Variants in GPATCH8 observed in about 807,000 individuals in gnomAD.
GPATCH8 encodes the protein G patch domain-containing protein 8.
GPATCH8 carries 18 observed loss-of-function variants against 118.3 expected under a neutral mutation model. The observed-to-expected ratio is 0.15, with a 90% CI of 0.11 to 0.23. GPATCH8 has a LOEUF of 0.23. Among genes scored for constraint, GPATCH8 ranks in the 10% least tolerant of loss-of-function variants. The pLI is 1.00. For missense variants in GPATCH8, 1,631 were observed against 1,873.8 expected, an observed-to-expected ratio of 0.87 and a Z score of 2.39; for synonymous variants, 659 against 684.7, an observed-to-expected ratio of 0.96 and a Z score of 0.59.
chr17:44,493,981 T>C (rs974910742), intron 1 of GPATCH8, among the ~76,000 whole-genome samples: 3 of 152,224 alleles, frequency 2.0e-5, no homozygotes, highest in Admixed American at 6.5e-5. Context: ...TGTAACATCC[T>C]GGTGCCTCAG....
In GPATCH8 at chr17:44,400,329, T is replaced by G. The variant is rs748757718; in HGVS notation, c.1748A>C (p.Asp583Ala). The G allele has an allele frequency of 6.2e-7, 1 of 1,614,206 alleles. No individual in the cohort carries two copies. The highest frequency in any genetic ancestry group is 1.1e-5 in the South Asian group (1 of 91,088). ...TTTTTCTGTTCCTTTAGTTCTGGCA[T>G]CTTTGTTCCTTGAAAGTTTAAAGTC... ...YFDFKLSRNK[D>A]ARTKGTEKPK... Residue 583 changes from aspartate to alanine, a missense_variant, in exon 8 of 8, where the codon GAT becomes GCT. By Grantham distance (126) the Asp-to-Ala change is moderately radical (BLOSUM62 -2). Transcript: ENST00000591680.
chr17:44,397,525 T>C lies in GPATCH8; in HGVS notation c.*43A>G, dbSNP rs369498242. ...CTCAACACCCCCAAGGGAACATTTA[T>C]GGGTCTCCTCCCCTGGCCCTACCTA... On this transcript the variant is annotated 3_prime_UTR_variant, in exon 8 of 8. Coordinates refer to ENST00000591680, the MANE Select transcript of GPATCH8 (RefSeq NM_001002909.4). 61 of 1,336,240 alleles carry C rather than the reference T, an allele frequency of 4.6e-5. No homozygotes were observed. The highest frequency in any genetic ancestry group is 6.3e-5 in the Non-Finnish European group (58 of 927,454). The allele number at this position is 1,336,240 out of a possible 1,614,324, so 82.8% of individuals were successfully genotyped here. A position where few individuals can be genotyped will look rare whatever the true frequency, so the allele number is the denominator to read the frequency against.
rs199550144 is a variant in GPATCH8, at chr17:44,398,733, G to A, written c.3344C>T (p.Thr1115Ile). Reference sequence around the variant, plus strand: ...GAGCTTGGGCCCAGCTTTATTAGGGGTGGCCTGCACCTCCTCACTCACACT... The same window carrying A: ...GAGCTTGGGCCCAGCTTTATTAGGGATGGCCTGCACCTCCTCACTCACACT... ...KPSVSEEVQA[T>I]PNKAGPKLKD... The change falls in exon 8 of 8, where the codon ACC becomes ATC. Residue 1115 changes from threonine (T) to isoleucine (I), a missense_variant. By Grantham distance (89) the Thr-to-Ile change is moderately conservative. Coordinates refer to ENST00000591680, the MANE Select transcript of GPATCH8 (RefSeq NM_001002909.4). The A allele has an allele frequency of 9.3e-6, 15 of 1,611,138 alleles. No individual in the cohort carries two copies. Among genetic ancestry groups the A allele is most frequent in the Non-Finnish European group, 1.3e-5 (15 of 1,177,872 alleles).
intron 1 of GPATCH8, among the ~76,000 whole-genome samples, chr17:44,481,671 T>C (rs888644581): frequency 5.9e-5 from 9 of 152,330 alleles, no homozygotes; most frequent in African/African-American, 2.2e-4. Context: ...TTTCACTGTA[T>C]CTTAATTGTA....
intron 3 of GPATCH8, among the ~76,000 whole-genome samples, chr17:44,440,759 TTC>T (rs1476504757): frequency 6.6e-6 from 1 of 152,166 alleles, no homozygotes; most frequent in African/African-American, 2.4e-5. Flanking sequence ...CAGGAATCAG[TTC>T]TGATTTTAAA....
chr17:44,470,708 C>A (rs1260959546), intron 2 of GPATCH8, among the ~76,000 whole-genome samples: 2 of 152,138 alleles, frequency 1.3e-5, no homozygotes, highest in Admixed American at 6.6e-5. Flanking sequence ...CAGGGTTTCA[C>A]CATGTTGGTC....
chr17:44,441,729 C>T (rs2050697248), intron 3 of GPATCH8, among the ~76,000 whole-genome samples: 1 of 147,572 alleles, frequency 6.8e-6, no homozygotes, highest in Non-Finnish European at 1.5e-5. Context: ...TTCCCCCCGC[C>T]CCCCAAAAAA....
chr17:44,468,645 CT>C (rs1163082782), intron 2 of GPATCH8, among the ~76,000 whole-genome samples: 1 of 151,796 alleles, frequency 6.6e-6, no homozygotes, highest in East Asian at 1.9e-4. Flanking sequence ...GACTAAAAAT[CT>C]TTTGGTTTTT....
At chr17:44,444,680 G>A (rs2050812947) in intron 3 of GPATCH8, among the ~76,000 whole-genome samples, 2 of 152,156 alleles carry the variant, frequency 1.3e-5, no homozygotes, top group South Asian at 2.1e-4. Context: ...GGCTGAGGCA[G>A]GAGAATCACT....
chr17:44,481,872 A>G (rs768162900), intron 1 of GPATCH8, among the ~76,000 whole-genome samples: 4 of 152,240 alleles, frequency 2.6e-5, no homozygotes, highest in Non-Finnish European at 5.9e-5. Flanking sequence ...CTGTAATCCC[A>G]GCACTTTGGG....
At chr17:44,409,497 T>C (rs897185871) in intron 6 of GPATCH8, 3 of 152,266 alleles carry the variant, frequency 2.0e-5, no homozygotes, top group Admixed American at 1.3e-4. Flanking sequence ...CTGTTCTTTC[T>C]GAACTGTCCC....
intron 6 of GPATCH8, among the ~76,000 whole-genome samples, chr17:44,422,410 G>A (rs985599886): frequency 4.6e-5 from 7 of 151,742 alleles, no homozygotes; most frequent in Non-Finnish European, 7.4e-5. Context: ...GGGTGGTCTC[G>A]AACTCCTGGG....
chr17:44,440,074 GC>G (rs2050638267), intron 3 of GPATCH8, among the ~76,000 whole-genome samples: 1 of 151,990 alleles, frequency 6.6e-6, no homozygotes, highest in Non-Finnish European at 1.5e-5. Flanking sequence ...GAACCACCTC[GC>G]CCGGCCTCAA....
At chr17:44,473,033 T>C (rs1400060404) in intron 2 of GPATCH8, among the ~76,000 whole-genome samples, 1 of 151,984 alleles carries the variant, frequency 6.6e-6, no homozygotes, top group Non-Finnish European at 1.5e-5. Context: ...AAAAATTAAA[T>C]TAGTTTGCAA....
At chr17:44,454,681 CCA>C (rs2051259318) in intron 3 of GPATCH8, among the ~76,000 whole-genome samples, 1 of 152,134 alleles carries the variant, frequency 6.6e-6, no homozygotes, top group Non-Finnish European at 1.5e-5. Context: ...CTTTGGTCTC[CCA>C]CAGTGCTGGG....
chr17:44,483,032 T>C (rs1236528006), intron 1 of GPATCH8, among the ~76,000 whole-genome samples: 4 of 146,288 alleles, frequency 2.7e-5, no homozygotes, highest in Non-Finnish European at 6.0e-5. Flanking sequence ...GGCTGGTGCC[T>C]GTAGTCCCAG....
Position 44,396,870 on chromosome 17 carries a change from C to G in GPATCH8, c.*698G>C, listed in dbSNP as rs893247991. 1 of 454,334 alleles carries G rather than the reference C, an allele frequency of 2.2e-6. No individual in the cohort carries two copies. Among genetic ancestry groups the G allele is most frequent in the East Asian group, 6.9e-5 (1 of 14,392 alleles). The allele number at this position is 454,334 out of a possible 1,614,324, so 28.1% of individuals were successfully genotyped here. A position where few individuals can be genotyped will look rare whatever the true frequency, so the allele number is the denominator to read the frequency against. On this transcript the variant is annotated 3_prime_UTR_variant, in exon 8 of 8. Transcript: ENST00000591680. ...CACATGAGCTCCTCTCTGGGCCATACAGCTTTTATTCATGATAGGATCTTC... is the reference window on the plus strand; with the variant it reads ...CACATGAGCTCCTCTCTGGGCCATAGAGCTTTTATTCATGATAGGATCTTC...
At chr17:44,497,144 G>C (rs1324457033) in intron 1 of GPATCH8, among the ~76,000 whole-genome samples, 1 of 152,174 alleles carries the variant, frequency 6.6e-6, no homozygotes, top group East Asian at 1.9e-4. Flanking sequence ...AATTTTAATA[G>C]AACTCACGAA....
At chr17:44,488,655 G>A (rs2144456362) in intron 1 of GPATCH8, among the ~76,000 whole-genome samples, 1 of 151,936 alleles carries the variant, frequency 6.6e-6, no homozygotes, top group African/African-American at 2.4e-5. Context: ...ACAGGTGTGA[G>A]CCACCACACA....
Sources: gnomAD v4.1 joint callset for allele counts (sites outside exome capture counted in the v4.1 genomes callset) on GRCh38, gnomAD v4.1.1 for gene constraint, MANE v1.5 for transcripts, NCBI Gene and HGNC (gene_info 2026-07-23, HGNC 2026-07-21) for gene names.